TMC1: variants seen among roughly 807,000 people sequenced by gnomAD.
TMC1 encodes transmembrane channel like 1.
Under a neutral mutation model 105.8 loss-of-function variants are expected in TMC1, and 84 were observed. That is an observed-to-expected ratio of 0.79 (90% confidence interval 0.67 to 0.95). TMC1 has a LOEUF of 0.95. Ranked by LOEUF, TMC1 falls within the 40% of genes least tolerant of loss-of-function variation. The pLI is 0.00. For synonymous variants in TMC1, 315 were observed against 311.5 expected, an observed-to-expected ratio of 1.01 and a Z score of -0.12; for missense variants, 817 against 914.1, an observed-to-expected ratio of 0.89 and a Z score of 1.37.
intron 4 of TMC1, among the ~76,000 whole-genome samples, chr9:72,646,045 T>C (rs1825706289): frequency 1.3e-5 from 2 of 152,232 alleles, no homozygotes; most frequent in Non-Finnish European, 2.9e-5. Flanking sequence ...ATATAAATTT[T>C]TGGAATCAGC....
intron 18 of TMC1, among the ~76,000 whole-genome samples, chr9:72,814,323 C>A (rs1344705822): frequency 1.3e-5 from 2 of 152,098 alleles, no homozygotes; most frequent in Admixed American, 6.6e-5. Context: ...GCAGGGCACT[C>A]CCCCAGAAGG....
At chr9:72,770,871 C>A (rs1053420457) in intron 12 of TMC1, among the ~76,000 whole-genome samples, 10 of 152,240 alleles carry the variant, frequency 6.6e-5, no homozygotes, top group Admixed American at 1.3e-4. Context: ...ATCCCTCCTT[C>A]TTCCTTTTGT....
At chr9:72,768,093 A>C (rs1827867255) in intron 12 of TMC1, among the ~76,000 whole-genome samples, 1 of 152,192 alleles carries the variant, frequency 6.6e-6, no homozygotes, top group Non-Finnish European at 1.5e-5. Context: ...TCAATGATAG[A>C]CTGGATAAAG....
chr9:72,830,741 T>C, intron 23 of TMC1, 59 bp downstream of exon 23: 1 of 1,169,474 alleles, frequency 8.6e-7, no homozygotes, highest in Non-Finnish European at 1.2e-6. Flanking sequence ...TTTCTTTCTT[T>C]TTTTTTTTTT....
At chr9:72,755,051 AGAGGGAGGGAGGGAGGGAGG>A (rs1182759531) in intron 12 of TMC1, among the ~76,000 whole-genome samples, 167 bp downstream of exon 12, 1 of 130,244 alleles carries the variant, frequency 7.7e-6, no homozygotes, top group Non-Finnish European at 1.6e-5. Flanking sequence ...AGAGAGAGAG[AGAGGGAGGGAGGGAGGGAGG>A]GAGAGAGAGA....
At chr9:72,704,460 G>C (rs534164094) in intron 8 of TMC1, among the ~76,000 whole-genome samples, 1 of 152,258 alleles carries the variant, frequency 6.6e-6, no homozygotes, top group South Asian at 2.1e-4. Flanking sequence ...TTTTTAAAGA[G>C]CATCTACCAT....
In TMC1 at chr9:72,728,654, A is replaced by G. The variant is rs543220082; in HGVS notation, c.363-11465A>G. 2.0e-5 allele frequency among the ~76,000 whole-genome samples: 3 copies of G among 151,978 alleles called. No individual in the cohort carries two copies. In the South Asian group the frequency reaches 6.3e-4, roughly 32 times the overall value. On this transcript the variant is annotated intron_variant, in intron 8 of 23. Transcript: ENST00000297784. ...TATTATCTTAGCAGATAATAGTACA[A>G]CCTCCCAAATTTTGGTTTCCTTCTG...
chr9:72,549,565 C>A (rs10869187), intron 1 of TMC1, among the ~76,000 whole-genome samples: 42,419 of 150,928 alleles, frequency 0.28, 6,557 homozygotes, highest in African/African-American at 0.38. Context: ...ACTTCAGCCT[C>A]CTGAGTAGCT....
chr9:72,614,084 C>T (rs1263779011), intron 2 of TMC1, among the ~76,000 whole-genome samples: 1 of 152,178 alleles, frequency 6.6e-6, no homozygotes, highest in Non-Finnish European at 1.5e-5. Flanking sequence ...CTGAGCAGAA[C>T]TGCAACGTTG....
At chr9:72,762,939 T>C (rs1485371228) in intron 12 of TMC1, among the ~76,000 whole-genome samples, 1 of 152,234 alleles carries the variant, frequency 6.6e-6, no homozygotes, top group African/African-American at 2.4e-5. Flanking sequence ...TCTTTTGCTT[T>C]GTAAGCTTCT....
chr9:72,628,583 G>T (rs1825392866), intron 4 of TMC1, among the ~76,000 whole-genome samples: 1 of 152,218 alleles, frequency 6.6e-6, no homozygotes, highest in African/African-American at 2.4e-5. Flanking sequence ...TGCTTCTTTA[G>T]TGTGGCCCAA....
At chr9:72,758,396 C>T (rs1335666303) in intron 12 of TMC1, among the ~76,000 whole-genome samples, 2 of 152,070 alleles carry the variant, frequency 1.3e-5, no homozygotes, top group Non-Finnish European at 1.5e-5. Context: ...AAAAAATGTA[C>T]AAAGCTTAAT....
At chr9:72,621,025 A>T (rs1490141066) in intron 3 of TMC1, among the ~76,000 whole-genome samples, 1 of 152,202 alleles carries the variant, frequency 6.6e-6, no homozygotes, top group African/African-American at 2.4e-5. Context: ...CAAGTGAGCC[A>T]CTTAGAAGAA....
At chr9:72,607,935 T>A (rs1824953301) in intron 2 of TMC1, 1 of 152,122 alleles carries the variant, frequency 6.6e-6, no homozygotes, top group African/African-American at 2.4e-5. Context: ...GGTAATGAAA[T>A]CATTTTAACA....
In TMC1 at chr9:72,582,540, A is replaced by G. The variant is rs187826537; in HGVS notation, c.-306+4517A>G. ...CACATAGCCCCCTTGGAAGCTTTCA[A>G]ATAGATTGACTAGCCTTTTAAAATT... On this transcript the variant is annotated intron_variant, in intron 2 of 23. Transcript: ENST00000297784. 4.6e-3 allele frequency among the ~76,000 whole-genome samples: 700 copies of G among 152,296 alleles called. 4 individuals are homozygous for G. Among genetic ancestry groups the G allele is most frequent in the African/African-American group, 0.014 (602 of 41,570 alleles).
chr9:72,700,727 TATATATATATATATATAC>T lies in TMC1; in HGVS notation c.362+86_362+103del. The T allele has an allele frequency of 1.8e-5, 3 of 166,774 alleles. 1 individual carries two copies. In the South Asian group the frequency reaches 3.1e-4, roughly 17 times the overall value. The allele number at this position is 166,774 out of a possible 1,614,324, so 10.3% of individuals were successfully genotyped here. A position where few individuals can be genotyped will look rare whatever the true frequency, so the allele number is the denominator to read the frequency against. On this transcript the variant is annotated intron_variant, in intron 8 of 23. Transcript: ENST00000297784. ...TCTGAATATTCCATATATATATATA[TATATATATATATATATAC>T]ACACACACACACACATACACACACA...
chr9:72,803,204 G>C (rs952097251), intron 17 of TMC1, among the ~76,000 whole-genome samples: 1 of 152,026 alleles, frequency 6.6e-6, no homozygotes, highest in South Asian at 2.1e-4. Context: ...ATGGGACCCC[G>C]TCTATACACC....
intron 17 of TMC1, among the ~76,000 whole-genome samples, chr9:72,793,617 C>T (rs556757094): frequency 1.1e-4 from 17 of 152,306 alleles, no homozygotes; most frequent in South Asian, 6.2e-4. Flanking sequence ...GGGCCAGCAA[C>T]GGGTCTGTAC....
intron 8 of TMC1, among the ~76,000 whole-genome samples, chr9:72,710,573 A>G (rs1014770908): frequency 6.6e-6 from 1 of 152,156 alleles, no homozygotes; most frequent in African/African-American, 2.4e-5. Context: ...CTGTTGAACA[A>G]AGCCTTTTAT....
Sources: gnomAD v4.1 joint callset for allele counts (sites outside exome capture counted in the v4.1 genomes callset) on GRCh38, gnomAD v4.1.1 for gene constraint, MANE v1.5 for transcripts, NCBI Gene and HGNC (gene_info 2026-07-23, HGNC 2026-07-21) for gene names.